UBXN2B: variants seen among roughly 807,000 people sequenced by gnomAD.
UBXN2B encodes the protein UBX domain-containing protein 2B.
Under a neutral mutation model 37.5 loss-of-function variants are expected in UBXN2B, and 19 were observed. That is an observed-to-expected ratio of 0.51 (90% CI 0.35 to 0.74). The LOEUF (loss-of-function observed/expected upper bound fraction) is 0.74. UBXN2B is among the 30% of genes least tolerant of loss of function. The pLI is 0.01. For synonymous variants in UBXN2B, 145 were observed against 143.8 expected (o/e 1.01, Z -0.06); for missense variants, 370 against 393.2 (o/e 0.94, Z 0.50).
At chr8:58,443,644 A>C (rs1190628029) in intron 6 of UBXN2B, among the ~76,000 whole-genome samples, 20 of 150,944 alleles carry the variant, frequency 1.3e-4, no homozygotes, top group African/African-American at 4.9e-4. Flanking sequence ...AATCCAAAAA[A>C]AAAAAAAAAA....
chr8:58,425,399 T>C (rs1428149265), intron 2 of UBXN2B: 5 of 1,134,948 alleles, frequency 4.4e-6, no homozygotes, highest in Non-Finnish European at 6.7e-6. Context: ...ATGTAACTCT[T>C]CTTGGGCTTT....
chr8:58,443,132 C>A (rs998556851), intron 6 of UBXN2B, among the ~76,000 whole-genome samples: 1 of 152,156 alleles, frequency 6.6e-6, no homozygotes, highest in Non-Finnish European at 1.5e-5. Flanking sequence ...TTCCTAAACC[C>A]CCTCCTCGAC....
intron 1 of UBXN2B, 77 bp from the exon 2 acceptor site, chr8:58,416,773 T>G: frequency 7.9e-7 from 1 of 1,262,926 alleles, no homozygotes; most frequent in South Asian, 1.5e-5. Context: ...TAAGTTAGTG[T>G]TCTATACATA....
chr8:58,440,843 C>T (rs375884067), intron 6 of UBXN2B, among the ~76,000 whole-genome samples: 3 of 152,058 alleles, frequency 2.0e-5, no homozygotes, highest in African/African-American at 7.3e-5. Context: ...TTCTCTTCTC[C>T]TGATAGAGAC....
intron 6 of UBXN2B, among the ~76,000 whole-genome samples, chr8:58,442,626 T>C (rs1808577095): frequency 6.6e-6 from 1 of 152,342 alleles, no homozygotes; most frequent in East Asian, 1.9e-4. Flanking sequence ...CCTCACATAA[T>C]AGAAGAAAGC....
intron 2 of UBXN2B, among the ~76,000 whole-genome samples, chr8:58,424,287 G>A (rs374294909): frequency 5.6e-4 from 83 of 148,822 alleles, no homozygotes; most frequent in African/African-American, 2.0e-3. Flanking sequence ...GCAAAATATA[G>A]CACACAATTT....
chr8:58,447,456 G>A lies in UBXN2B; in HGVS notation c.901G>A (p.Val301Met). The change falls in exon 8 of 8, where the codon GTG (valine) becomes ATG (methionine). Residue 301 changes from valine to methionine, a missense_variant. Transcript: ENST00000399598. ...ATTTGCGGCTCTTGACTTTATTCTT[G>A]TGACTTCATTTCCGAATAAAGAGCT... ...PEFAALDFIL[V>M]TSFPNKELTD... The A allele has an allele frequency of 1.2e-6, 2 of 1,613,106 alleles. No homozygotes were observed. The highest frequency in any genetic ancestry group is 1.7e-6 in the Non-Finnish European group (2 of 1,179,482).
intron 2 of UBXN2B, among the ~76,000 whole-genome samples, chr8:58,422,627 C>T (rs1436377302): frequency 1.3e-5 from 2 of 152,230 alleles, no homozygotes; most frequent in African/African-American, 2.4e-5. Flanking sequence ...TGTTCCTTCT[C>T]ACTGTGGCCT....
chr8:58,415,681 T>C (rs1807758952), intron 1 of UBXN2B, among the ~76,000 whole-genome samples: 2 of 152,208 alleles, frequency 1.3e-5, no homozygotes, highest in South Asian at 4.1e-4. Flanking sequence ...TTTGAAGATG[T>C]GGTAACTAAG....
intron 2 of UBXN2B, chr8:58,426,369 G>C (rs1808089145): frequency 2.0e-6 from 1 of 494,080 alleles, no homozygotes; most frequent in Non-Finnish European, 3.7e-6. Flanking sequence ...ACCATGCCCG[G>C]CTAATTTTTT....
intron 1 of UBXN2B, 108 bp from the exon 2 acceptor site, chr8:58,416,742 A>C: frequency 2.3e-6 from 2 of 864,526 alleles, no homozygotes; most frequent in Non-Finnish European, 3.3e-6. Context: ...TTTTTCATGA[A>C]AAGTCTTTAC....
chr8:58,435,270 C>T (rs1457036571), intron 5 of UBXN2B, among the ~76,000 whole-genome samples: 1 of 152,038 alleles, frequency 6.6e-6, no homozygotes, highest in Non-Finnish European at 1.5e-5. Flanking sequence ...GGAACATTTC[C>T]AAATGTTGAA....
chr8:58,436,744 C>T (rs1417077262), intron 5 of UBXN2B, among the ~76,000 whole-genome samples: 1 of 152,170 alleles, frequency 6.6e-6, no homozygotes, highest in African/African-American at 2.4e-5. Flanking sequence ...TTCTCTCTTG[C>T]TTCCACTCTT....
At position 58,434,521 on chromosome 8, in the gene UBXN2B, G is replaced by A. The variant is rs371835210; in HGVS notation, c.533+17G>A. ...TAAGAGAGGGTAAGATGTATTATTT[G>A]TATTCTATTTGTTATGTAGAGTGGG... On this transcript the variant is annotated intron_variant, in intron 5 of 7. Transcript: ENST00000399598. The A allele has an allele frequency of 3.9e-5, 59 of 1,500,592 alleles. No homozygotes were observed. Among genetic ancestry groups the A allele is most frequent in the Non-Finnish European group, 5.2e-5 (58 of 1,114,504 alleles). 93.0% of individuals were successfully genotyped at this position (1,500,592 alleles called of 1,614,324 possible).
chr8:58,444,380 A>G (rs1808620737), intron 6 of UBXN2B, among the ~76,000 whole-genome samples: 1 of 152,206 alleles, frequency 6.6e-6, no homozygotes, highest in South Asian at 2.1e-4. Flanking sequence ...GCTCTCAGGC[A>G]CAATAAGGGT....
chr8:58,420,800 AAG>A (rs1807905738), intron 2 of UBXN2B, among the ~76,000 whole-genome samples: 1 of 152,258 alleles, frequency 6.6e-6, no homozygotes, highest in Admixed American at 6.5e-5. Context: ...GTAGTGAAAA[AAG>A]AACAAATTTT....
At chr8:58,428,292 C>T (rs1808156715) in intron 2 of UBXN2B, among the ~76,000 whole-genome samples, 1 of 152,188 alleles carries the variant, frequency 6.6e-6, no homozygotes, top group African/African-American at 2.4e-5. Flanking sequence ...AAGTTGGGAA[C>T]ATTATCAGTG....
Position 58,439,616 on chromosome 8 carries a change from TCCC to T in UBXN2B, c.534-13_534-11del. On this transcript the variant is annotated splice_polypyrimidine_tract_variant and intron_variant, in intron 5 of 7. Transcript: ENST00000399598. ...TTGGAAAACTTAATGATAACTTTTT[TCCC>T]CCCTTTTTAAAAGAGAGATTCCCCT... 6.3e-7 allele frequency: 1 copy of T among 1,587,886 alleles called. No individual in the cohort carries two copies. The highest frequency in any genetic ancestry group is 8.5e-7 in the Non-Finnish European group (1 of 1,173,326).
At chr8:58,411,563 C>T in intron 1 of UBXN2B, 94 bp downstream of exon 1, 1 of 1,048,128 alleles carries the variant, frequency 9.5e-7, no homozygotes. Context: ...CTGGCCTCGG[C>T]GGAGCCTTTC....
Sources: gnomAD v4.1 joint callset for allele counts (sites outside exome capture counted in the v4.1 genomes callset) on GRCh38, gnomAD v4.1.1 for gene constraint, MANE v1.5 for transcripts, NCBI Gene and HGNC (gene_info 2026-07-23, HGNC 2026-07-21) for gene names.